NALF1: variants seen among roughly 807,000 people sequenced by gnomAD.
The protein encoded by NALF1 is NALCN channel auxiliary factor 1.
A neutral mutation model predicts 48.4 loss-of-function variants in NALF1; 3 were observed. The observed-to-expected ratio is 0.06, with a 90% confidence interval of 0.03 to 0.16. The LOEUF (loss-of-function observed/expected upper bound fraction) is 0.16, where lower values mean the gene tolerates loss of function less well. NALF1 is among the 10% of genes least tolerant of loss of function. NALF1 has a pLI of 1.00. For synonymous variants in NALF1, 262 were observed against 245.7 expected (o/e 1.07, Z -0.62); for missense variants, 526 against 571.5 (o/e 0.92, Z 0.81).
intron 1 of NALF1, among the ~76,000 whole-genome samples, chr13:107,684,348 AC>A (rs1295241396): frequency 4.3e-4 from 65 of 152,184 alleles, no homozygotes; most frequent in African/African-American, 1.5e-3. Flanking sequence ...CGAGTGTCAT[AC>A]TTGCTTTGGC....
At chr13:107,375,024 G>C (rs879575490) in intron 1 of NALF1, among the ~76,000 whole-genome samples, 3 of 152,072 alleles carry the variant, frequency 2.0e-5, no homozygotes, top group Admixed American at 1.3e-4. Context: ...CCTTAATATA[G>C]CTTCTAACTG....
Position 107,369,003 on chromosome 13 carries a change from G to A in NALF1, c.916-158248C>T, listed in dbSNP as rs372818177. On this transcript the variant is annotated intron_variant, in intron 1 of 2. Transcript: ENST00000375915. ...TTTGCACATTCTATTCCCTTTACAC[G>A]AAATGCAGTTCCCTGCCTGCCTAAC... Among the ~76,000 whole-genome samples the A allele has an allele frequency of 2.3e-3, 355 of 152,242 alleles. 2 individuals carry two copies. Among genetic ancestry groups the A allele is most frequent in the African/African-American group, 8.1e-3 (335 of 41,552 alleles).
At position 107,525,041 on chromosome 13, in the gene NALF1, T is replaced by C. The variant is rs116106798; in HGVS notation, c.916-314286A>G. On this transcript the variant is annotated intron_variant, in intron 1 of 2. Transcript: ENST00000375915. ...TTCTGTCCTTGTTTTCAACATGGGG[T>C]TTTGGCAAGATTAACCTGTAGAAAA... Among the ~76,000 whole-genome samples, 1,028 of 152,142 alleles carry C rather than the reference T, an allele frequency of 6.8e-3. 11 individuals carry two copies. The highest frequency in any genetic ancestry group is 0.024 in the African/African-American group (976 of 41,522).
chr13:107,830,744 C>A (rs558964182), intron 1 of NALF1, among the ~76,000 whole-genome samples: 1 of 152,316 alleles, frequency 6.6e-6, no homozygotes, highest in Admixed American at 6.5e-5. Context: ...TCCTTCTGCA[C>A]CACAGGCCTC....
chr13:107,772,670 G>T lies in NALF1; in HGVS notation c.915+93012C>A, dbSNP rs754859211. On this transcript the variant is annotated intron_variant, in intron 1 of 2. Transcript: ENST00000375915. ...TTCTAAAACATGTTCAACGAGAAAA[G>T]AAATTCTGGGGTGAAATATTTGTGG... Among the ~76,000 whole-genome samples, 14 of 152,246 alleles carry T rather than the reference G, an allele frequency of 9.2e-5. 1 individual carries two copies. Among genetic ancestry groups the T allele is most frequent in the African/African-American group, 1.4e-4 (6 of 41,560 alleles).
chr13:107,487,705 G>A (rs1830755), intron 1 of NALF1, among the ~76,000 whole-genome samples: 95,809 of 151,960 alleles, frequency 0.63, 30,952 homozygotes, highest in Middle Eastern at 0.78. Flanking sequence ...GGATTTTTGC[G>A]TTAATTTTGA....
At chr13:107,372,650 A>T (rs1883267223) in intron 1 of NALF1, among the ~76,000 whole-genome samples, 1 of 152,238 alleles carries the variant, frequency 6.6e-6, no homozygotes, top group Admixed American at 6.5e-5. Context: ...GATGGAGTAA[A>T]TCAATGAAGA....
intron 1 of NALF1, among the ~76,000 whole-genome samples, chr13:107,797,971 T>C (rs1032258162): frequency 2.6e-5 from 4 of 152,194 alleles, no homozygotes; most frequent in African/African-American, 4.8e-5. Flanking sequence ...TGAAAGCAAT[T>C]TGAACCAATT....
chr13:107,183,558 G>A (rs1566444065), intron 2 of NALF1, among the ~76,000 whole-genome samples: 2 of 152,144 alleles, frequency 1.3e-5, no homozygotes, highest in Non-Finnish European at 1.5e-5. Flanking sequence ...GTTTATTGCG[G>A]CACTGTTCAC....
At chr13:107,377,834 T>A (rs1456339622) in intron 1 of NALF1, among the ~76,000 whole-genome samples, 4 of 152,206 alleles carry the variant, frequency 2.6e-5, no homozygotes. Context: ...CAGTTTGTAC[T>A]ACATTTTTTA....
chr13:107,290,017 G>A (rs1481074220), intron 1 of NALF1, among the ~76,000 whole-genome samples: 5 of 152,054 alleles, frequency 3.3e-5, no homozygotes, highest in Admixed American at 2.0e-4. Flanking sequence ...TTTCCACTTC[G>A]GGTTCTGATA....
At chr13:107,372,415 A>G (rs1324761764) in intron 1 of NALF1, among the ~76,000 whole-genome samples, 2 of 152,254 alleles carry the variant, frequency 1.3e-5, no homozygotes, top group Non-Finnish European at 2.9e-5. Flanking sequence ...AATATAAATT[A>G]TAATTTGCGT....
intron 1 of NALF1, among the ~76,000 whole-genome samples, chr13:107,431,598 G>A (rs925337325): frequency 6.6e-6 from 1 of 152,202 alleles, no homozygotes. Flanking sequence ...TCACCAGTTA[G>A]CTATGTTCTT....
At chr13:107,273,963 CAA>C (rs1261432953) in intron 1 of NALF1, among the ~76,000 whole-genome samples, 5 of 152,010 alleles carry the variant, frequency 3.3e-5, no homozygotes, top group Non-Finnish European at 7.4e-5. Context: ...TCTGTAACAT[CAA>C]AAAAGTTAAT....
chr13:107,325,506 A>T lies in NALF1; in HGVS notation c.916-114751T>A, dbSNP rs1372955607. Among the ~76,000 whole-genome samples, 4 of 152,034 alleles carry T rather than the reference A, an allele frequency of 2.6e-5. 1 individual carries two copies. Among genetic ancestry groups the T allele is most frequent in the Admixed American group, 6.6e-5 (1 of 15,230 alleles). The stretch of plus-strand genomic sequence containing the variant: ...AATGGAAGACTTGATTTTTACACTG[A>T]CTTCCAATATTTTATTATACAGTCA... On this transcript the variant is annotated intron_variant, in intron 1 of 2. Transcript: ENST00000375915.
chr13:107,675,293 G>C (rs574992361), intron 1 of NALF1, among the ~76,000 whole-genome samples: 1 of 152,148 alleles, frequency 6.6e-6, no homozygotes, highest in African/African-American at 2.4e-5. Context: ...TATAGGCTCT[G>C]GGGCTGCAGG....
At chr13:107,283,201 G>A (rs902229916) in intron 1 of NALF1, among the ~76,000 whole-genome samples, 2 of 152,112 alleles carry the variant, frequency 1.3e-5, no homozygotes, top group African/African-American at 4.8e-5. Flanking sequence ...ATATAATTAG[G>A]CTGTATTCCT....
At chr13:107,717,527 A>G (rs1171690249) in intron 1 of NALF1, among the ~76,000 whole-genome samples, 1 of 152,094 alleles carries the variant, frequency 6.6e-6, no homozygotes, top group Non-Finnish European at 1.5e-5. Context: ...TGGAATCAGA[A>G]TGTGTTCATT....
intron 1 of NALF1, among the ~76,000 whole-genome samples, chr13:107,751,684 T>G (rs1208946994): frequency 6.6e-6 from 1 of 152,220 alleles, no homozygotes; most frequent in South Asian, 2.1e-4. Flanking sequence ...ATAATGGCTG[T>G]AAAATAATGT....
Sources: allele counts gnomAD v4.1 joint callset (sites outside exome capture counted in the v4.1 genomes callset), GRCh38; gene constraint gnomAD v4.1.1; transcripts MANE v1.5; gene names NCBI Gene and HGNC (gene_info 2026-07-23, HGNC 2026-07-21).